The following PLEC variants were observed in gnomAD, a reference collection of about 807,000 sequenced individuals.
PLEC encodes the protein hemidesmosomal protein 1.
A neutral mutation model predicts 392.8 loss-of-function variants in PLEC; 216 were observed. The ratio of observed to expected loss-of-function variants is 0.55; its 90% CI spans 0.49 to 0.62. The LOEUF is 0.62. Ranked by LOEUF, PLEC falls within the 20% of genes least tolerant of loss-of-function variation. The pLI is 0.00. For synonymous variants in PLEC, 3,621 were observed against 2,980.6 expected (o/e 1.21, Z -7.00); for missense variants, 6,863 against 6,563.4 (o/e 1.05, Z -1.58).
chr8:143,916,532 G>C lies in PLEC; in HGVS notation c.13289C>G (p.Ala4430Gly), dbSNP rs1820623397. Reference protein sequence around the residue: ...RTAQKLRDVGAYSKYLTCPKT... With the variant: ...RTAQKLRDVGGYSKYLTCPKT... ...AGGGCAGGTGAGGTACTTGGAGTAG[G>C]CGCCCACGTCACGCAGCTTCTGTGC... The change falls in exon 32 of 32, where the codon GCC (alanine) becomes GGC (glycine). Residue 4430 changes from alanine (A) to glycine (G), a missense_variant. Coordinates refer to ENST00000345136, the MANE Select transcript of PLEC (RefSeq NM_201384.3). The C allele has an allele frequency of 1.2e-6, 2 of 1,611,776 alleles. No individual in the cohort carries two copies. Among genetic ancestry groups the C allele is most frequent in the Non-Finnish European group, 8.5e-7 (1 of 1,179,502 alleles).
Position 143,925,389 on chromosome 8 carries a change from C to T in PLEC, c.4540G>A (p.Glu1514Lys), listed in dbSNP as rs1461266055. ...TTCACGCGCGAGGCCAGCTCCACCT[C>T]CGCCTGCCGCTTACGCTGGCTCTCG... The part of the protein sequence containing the change: ...QDESQRKRQA[E>K]VELASRVKAE... Residue 1514 changes from glutamate (E) to lysine (K), a missense_variant, in exon 31 of 32, where the codon GAG becomes AAG. Glu to Lys is a moderately conservative substitution (Grantham distance 56). Coordinates refer to ENST00000345136, the MANE Select transcript of PLEC (RefSeq NM_201384.3). 3.2e-6 allele frequency: 5 copies of T among 1,579,886 alleles called. No individual in the cohort carries two copies. Among genetic ancestry groups the T allele is most frequent in the Non-Finnish European group, 3.4e-6 (4 of 1,170,462 alleles).
At chr8:143,950,259 G>A (rs782530390) in exon 1 of PLEC, 4 of 1,571,730 alleles carry the variant, frequency 2.5e-6, no homozygotes, top group Non-Finnish European at 2.6e-6. Flanking sequence ...GGGGTCTCAG[G>A]TGACACCTCC....
chr8:143,937,575 T>TG (rs1316990149), intron 3 of PLEC: 5 of 478,938 alleles, frequency 1.0e-5, no homozygotes, highest in African/African-American at 9.7e-5. Context: ...CAGCCACCGG[T>TG]GGGTCCCAGG....
At chr8:143,943,856 A>G (rs782078268), upstream of PLEC, 1 of 1,612,092 alleles carries the variant, frequency 6.2e-7, no homozygotes, top group Non-Finnish European at 8.5e-7. Flanking sequence ...ACCCACAACC[A>G]CCAGGGAGGG....
intron 1 of PLEC, among the ~76,000 whole-genome samples, chr8:143,966,383 G>T (rs1206957719): frequency 1.3e-5 from 2 of 152,212 alleles, no homozygotes; most frequent in African/African-American, 4.8e-5. Flanking sequence ...CTCAGTGTCT[G>T]CACACGCATA....
In PLEC at chr8:143,927,037, C is replaced by A. The variant is rs148465219; in HGVS notation, c.3885G>T (p.Pro1295=). The A allele has an allele frequency of 3.7e-6, 6 of 1,612,344 alleles. No homozygotes were observed. In the Admixed American group the frequency reaches 5.0e-5, roughly 13 times the overall value. ...QLVTYKAQLE[P]VASPAKKPKV... ...TGGGCTTCTTGGCCGGGGAGGCCAC[C>A]GGCTCAAGCTGCGCCTTGTACGTCA... The change falls in exon 29 of 32, where the codon CCG becomes CCT. Residue 1295 remains proline, a synonymous_variant. Coordinates refer to ENST00000345136, the MANE Select transcript of PLEC (RefSeq NM_201384.3).
chr8:143,922,847 G>A lies in PLEC; in HGVS notation c.7082C>T (p.Thr2361Met), dbSNP rs369522291. 50 of 1,579,874 alleles carry A rather than the reference G, an allele frequency of 3.2e-5. No individual in the cohort carries two copies. The highest frequency in any genetic ancestry group is 3.6e-4 in the Middle Eastern group (2 of 5,558). Residue 2361 changes from threonine (T) to methionine (M), a missense_variant, in exon 31 of 32, where the codon ACG becomes ATG. Physicochemically the swap from Thr to Met is moderately conservative, Grantham distance 81. Coordinates refer to ENST00000345136, the MANE Select transcript of PLEC (RefSeq NM_201384.3). ...EQMAQQLAEE[T>M]QGFQRTLEAE... is the part of the protein sequence containing the mutation. The stretch of plus-strand genomic sequence containing the variant: ...CTCCAGCGTCCGCTGGAAGCCCTGC[G>A]TCTCCTCCGCCAGCTGCTGCGCCAT...
chr8:143,941,623 G>T (rs1365505711), upstream of PLEC, among the ~76,000 whole-genome samples: 4 of 152,044 alleles, frequency 2.6e-5, no homozygotes, highest in African/African-American at 9.6e-5. Context: ...GCCTCTGGGT[G>T]CCTCTTTGCT....
Position 143,921,312 on chromosome 8 carries a change from C to T in PLEC, c.8509G>A (p.Glu2837Lys), listed in dbSNP as rs199661077. 3,170 of 1,613,950 alleles carry T rather than the reference C, an allele frequency of 2.0e-3. 2 individuals are homozygous for T. Among genetic ancestry groups the T allele is most frequent in the Middle Eastern group, 2.6e-3 (16 of 6,062 alleles). The change falls in exon 32 of 32, where the codon GAG becomes AAG. Residue 2837 changes from glutamate to lysine, a missense_variant. Coordinates refer to ENST00000345136, the MANE Select transcript of PLEC (RefSeq NM_201384.3). The part of the protein sequence containing the change: ...DVAYRRGYFD[E>K]EMNRVLADPS... ...TCCGCCAGGACGCGGTTCATCTCCT[C>T]GTCGAAGTAGCCGCGCCGGTAGGCC...
Position 143,935,788 on chromosome 8 carries a change from T to C in PLEC, c.602+60A>G, listed in dbSNP as rs542760854. On this transcript the variant is annotated intron_variant, in intron 6 of 31. Coordinates refer to ENST00000345136, the MANE Select transcript of PLEC (RefSeq NM_201384.3). ...CTGCCCCAACGTGTCTGAAGTTGCCTAGTGGAGGCGCTGTGGGGGTGCCCC... is the reference window on the plus strand; with the variant it reads ...CTGCCCCAACGTGTCTGAAGTTGCCCAGTGGAGGCGCTGTGGGGGTGCCCC... 42 of 1,577,950 alleles carry C rather than the reference T, an allele frequency of 2.7e-5. No individual in the cohort carries two copies. The East Asian group carries it at 4.0e-4, about 15-fold the overall frequency.
Position 143,916,412 on chromosome 8 carries a change from G to C in PLEC, c.13409C>G (p.Ser4470Cys), listed in dbSNP as rs1820567993. Residue 4470 changes from serine to cysteine, a missense_variant, in exon 32 of 32, where the codon TCC becomes TGC. Coordinates refer to ENST00000345136, the MANE Select transcript of PLEC (RefSeq NM_201384.3). ...GLRLLEAAAQ[S>C]TKGYYSPYSV... Reference sequence around the variant, plus strand: ...GTAGGGGCTGTAGTAGCCCTTGGTGGACTGCGCGGCAGCCTCCAGCAGCCG... The same window carrying C: ...GTAGGGGCTGTAGTAGCCCTTGGTGCACTGCGCGGCAGCCTCCAGCAGCCG... 1 of 1,611,504 alleles carries C rather than the reference G, an allele frequency of 6.2e-7. No individual in the cohort carries two copies. Among genetic ancestry groups the C allele is most frequent in the Non-Finnish European group, 8.5e-7 (1 of 1,179,388 alleles).
intron 1 of PLEC, among the ~76,000 whole-genome samples, chr8:143,947,582 T>TAA (rs1317332056): frequency 1.3e-3 from 180 of 138,594 alleles, no homozygotes; most frequent in African/African-American, 4.1e-3. Flanking sequence ...CCGTCTCTAC[T>TAA]AAAAAAAAAA....
chr8:143,916,299 C>T lies in PLEC; in HGVS notation c.13522G>A (p.Ala4508Thr), dbSNP rs782370917. 1.5e-5 allele frequency: 24 copies of T among 1,581,680 alleles called. No homozygotes were observed. Among genetic ancestry groups the T allele is most frequent in the Admixed American group, 3.6e-5 (2 of 55,204 alleles). Residue 4508 changes from alanine to threonine, a missense_variant, in exon 32 of 32, where the codon GCC becomes ACC. Physicochemically the swap from Ala to Thr is moderately conservative, Grantham distance 58. Coordinates refer to ENST00000345136, the MANE Select transcript of PLEC (RefSeq NM_201384.3). Reference protein sequence around the residue: ...RAGSRRGSFDATGSGFSMTFS... With the variant: ...RAGSRRGSFDTTGSGFSMTFS... ...GTCATGGAGAAGCCGGAGCCGGTGG[C>T]GTCAAAGCTGCCGCGGCGGGAGCCG...
chr8:143,944,227 A>G (rs1831081653), upstream of PLEC, among the ~76,000 whole-genome samples: 1 of 151,822 alleles, frequency 6.6e-6, no homozygotes, highest in Non-Finnish European at 1.5e-5. Flanking sequence ...AGGAGGGGCC[A>G]GCCGCACGCC....
In PLEC at chr8:143,920,605, G is replaced by A; in HGVS notation, c.9216C>T (p.Thr3072=). 2 of 1,608,978 alleles carry A rather than the reference G, an allele frequency of 1.2e-6. No homozygotes were observed. Among genetic ancestry groups the A allele is most frequent in the Non-Finnish European group, 1.7e-6 (2 of 1,179,880 alleles). The change falls in exon 32 of 32, where the codon ACC becomes ACT. Residue 3072 remains threonine (T), a synonymous_variant. Transcript: ENST00000345136. Reference sequence around the variant, plus strand: ...CCTCGTCCACGGTCAGCCGGGCGCTGGTGGCGGGGTCGATGATGTGCCCGG... The same window carrying A: ...CCTCGTCCACGGTCAGCCGGGCGCTAGTGGCGGGGTCGATGATGTGCCCGG... ...AGTGHIIDPA[T]SARLTVDEAV... is the part of the protein sequence containing the mutation.
Position 143,919,128 on chromosome 8 carries a change from T to G in PLEC, c.10693A>C (p.Arg3565=). ...TQVYTEEETR[R]AFEETQIDIP... ...TCGATCTGTGTCTCTTCAAATGCCC[T>G]TCTTGTCTCCTCCTCAGTGTACACC... is the stretch of plus-strand genomic sequence containing the variant. Residue 3565 remains arginine, a synonymous_variant, in exon 32 of 32, where the codon AGG becomes CGG. Coordinates refer to ENST00000345136, the MANE Select transcript of PLEC (RefSeq NM_201384.3). 6.2e-7 allele frequency: 1 copy of G among 1,613,234 alleles called. No individual in the cohort carries two copies. Among genetic ancestry groups the G allele is most frequent in the Non-Finnish European group, 8.5e-7 (1 of 1,180,022 alleles).
In PLEC at chr8:143,923,998, C is replaced by A; in HGVS notation, c.5931G>T (p.Ala1977=). ...CCTCACGGCGCCGCCGCTCCTCCTC[C>A]GCCGCCAGCTGCCGCTGCCTCGCAG... The part of the protein sequence containing the change: ...LEAARQRQLA[A]EEERRRREAE... The change falls in exon 31 of 32, where the codon GCG becomes GCT. Residue 1977 remains alanine (A), a synonymous_variant. Transcript: ENST00000345136. 2 of 1,585,916 alleles carry A rather than the reference C, an allele frequency of 1.3e-6. No homozygotes were observed. The highest frequency in any genetic ancestry group is 8.5e-7 in the Non-Finnish European group (1 of 1,171,774).
rs782255216 is a variant in PLEC at position 143,922,534 on chromosome 8, C to T, written c.7395G>A (p.Glu2465=). 5.6e-6 allele frequency: 9 copies of T among 1,611,918 alleles called. No individual in the cohort carries two copies. In the Middle Eastern group the frequency reaches 6.6e-4, roughly 118 times the overall value. The change falls in exon 31 of 32, where the codon GAG becomes GAA. Residue 2465 remains glutamate (E), a synonymous_variant. Coordinates refer to ENST00000345136, the MANE Select transcript of PLEC (RefSeq NM_201384.3). The part of the protein sequence containing the change: ...LEREKEKLQQ[E]AKLLQLKSEE... Reference sequence around the variant, plus strand: ...CAGACTTGAGCTGCAGCAGTTTGGCCTCCTGTTGGAGCTTCTCCTTCTCAC... The same window carrying T: ...CAGACTTGAGCTGCAGCAGTTTGGCTTCCTGTTGGAGCTTCTCCTTCTCAC...
At position 143,916,780 on chromosome 8, in the gene PLEC, G is replaced by A. The variant is rs1335460190; in HGVS notation, c.13041C>T (p.Asp4347=). 1 of 1,613,322 alleles carries A rather than the reference G, an allele frequency of 6.2e-7. No individual in the cohort carries two copies. Among genetic ancestry groups the A allele is most frequent in the Admixed American group, 1.7e-5 (1 of 60,032 alleles). ...AGGCCTTCTGGGCCAGGTTGATGCG[G>A]TCCACCATGATCTTGTCCACCAGGC... The part of the protein sequence containing the change: ...NKGLVDKIMV[D]RINLAQKAFC... The change falls in exon 32 of 32, where the codon GAC becomes GAT. Residue 4347 remains aspartate (D), a synonymous_variant. Coordinates refer to ENST00000345136, the MANE Select transcript of PLEC (RefSeq NM_201384.3).
Sources: allele counts gnomAD v4.1 joint callset (sites outside exome capture counted in the v4.1 genomes callset), GRCh38; gene constraint gnomAD v4.1.1; transcripts MANE v1.5; gene names NCBI Gene and HGNC (gene_info 2026-07-23, HGNC 2026-07-21).